The following SLC15A4 variants were observed in gnomAD, a reference collection of about 807,000 sequenced individuals.
SLC15A4 encodes the protein hPHT1.
SLC15A4 carries 26 observed loss-of-function variants against 46.1 expected under a neutral mutation model. The observed-to-expected ratio is 0.56, with a 90% CI of 0.41 to 0.78. SLC15A4 has a LOEUF of 0.78. Ranked by LOEUF, SLC15A4 falls within the 30% of genes least tolerant of loss-of-function variation. The pLI, the probability that SLC15A4 is intolerant of heterozygous loss-of-function variation, is 0.00. For missense variants in SLC15A4, 751 were observed against 755.7 expected (o/e 0.99, Z 0.07); for synonymous variants, 370 against 333.4 (o/e 1.11, Z -1.20).
intron 1 of SLC15A4, among the ~76,000 whole-genome samples, chr12:128,819,267 GGTGGCTCACACCTGTA>G (rs1955802999): frequency 6.6e-6 from 1 of 152,066 alleles, no homozygotes; most frequent in Non-Finnish European, 1.5e-5. Context: ...AGCCAGGCGT[GGTGGCTCACACCTGTA>G]GTCCCAGCTA....
chr12:128,795,908 G>T (rs1256731402), intron 7 of SLC15A4, among the ~76,000 whole-genome samples: 3 of 152,230 alleles, frequency 2.0e-5, no homozygotes, highest in Non-Finnish European at 4.4e-5. Flanking sequence ...CGAGGTCGCA[G>T]GTGCGTGTGG....
At chr12:128,815,520 T>C (rs921231915) in intron 1 of SLC15A4, 25 of 164,152 alleles carry the variant, frequency 1.5e-4, no homozygotes, top group African/African-American at 5.8e-4. Flanking sequence ...ACACCGTCTC[T>C]ACTAAAAATA....
chr12:128,799,549 CT>C (rs1955490393), intron 6 of SLC15A4, 132 bp from the exon 7 acceptor site: 1 of 894,130 alleles, frequency 1.1e-6, no homozygotes, highest in Admixed American at 2.8e-5. Context: ...GGCACAACCT[CT>C]TTTCTATTAG....
At chr12:128,796,352 C>A (rs1022791865) in intron 7 of SLC15A4, among the ~76,000 whole-genome samples, 1 of 145,572 alleles carries the variant, frequency 6.9e-6, no homozygotes, top group Admixed American at 7.3e-5. Context: ...CACTTGAACC[C>A]GGGAGGTGAA....
Position 128,814,952 on chromosome 12 carries a change from A to C in SLC15A4, c.665T>G (p.Phe222Cys), listed in dbSNP as rs779979815. 2 of 1,614,188 alleles carry C rather than the reference A, an allele frequency of 1.2e-6. No individual in the cohort carries two copies. Among genetic ancestry groups the C allele is most frequent in the Non-Finnish European group, 1.7e-6 (2 of 1,180,036 alleles). ...AGTGGGGATCGCATAACCAGTGACAAAGCTGACGTTCTGCTGAATATAGGC... is the reference window on the plus strand; with the variant it reads ...AGTGGGGATCGCATAACCAGTGACACAGCTGACGTTCTGCTGAATATAGGC... ...GIAYIQQNVS[F>C]VTGYAIPTVC... The change falls in exon 2 of 8, where the codon TTT becomes TGT. Residue 222 changes from phenylalanine (F) to cysteine (C), a missense_variant. By Grantham distance (205) the Phe-to-Cys change is radical. Transcript: ENST00000266771.
At position 128,814,234 on chromosome 12, in the gene SLC15A4, C is replaced by CGTATGATGGACCTGACCACT. The variant is rs1955709843; in HGVS notation, c.842+540_842+541insAGTGGTCAGGTCCATCATAC. The CGTATGATGGACCTGACCACT allele has an allele frequency of 6.4e-5, 11 of 171,236 alleles. No individual in the cohort carries two copies. In the South Asian group the frequency reaches 1.1e-3, roughly 17 times the overall value. 10.6% of individuals were successfully genotyped at this position (171,236 alleles called of 1,614,324 possible). On this transcript the variant is annotated intron_variant, in intron 2 of 7. Coordinates refer to ENST00000266771, the MANE Select transcript of SLC15A4 (RefSeq NM_145648.4). ...ACCGCCGTATGATGGACCTGACCGC[C>CGTATGATGGACCTGACCACT]GTATGATGGACCTGACCGCTGTATG...
chr12:128,793,766 T>C lies in SLC15A4; in HGVS notation c.*430A>G, dbSNP rs1955412118. Reference sequence around the variant, plus strand: ...AAAAAAAAATCCTCACTTTCTTAAATATAAGTAACAGTTTATTAATTTTTT... The same window carrying C: ...AAAAAAAAATCCTCACTTTCTTAAACATAAGTAACAGTTTATTAATTTTTT... On this transcript the variant is annotated 3_prime_UTR_variant, in exon 8 of 8. Coordinates refer to ENST00000266771, the MANE Select transcript of SLC15A4 (RefSeq NM_145648.4). 8.0e-6 allele frequency: 1 copy of C among 125,010 alleles called. No homozygotes were observed. The highest frequency in any genetic ancestry group is 3.1e-5 in the African/African-American group (1 of 32,028). 7.7% of individuals were successfully genotyped at this position (125,010 alleles called of 1,614,324 possible). A position where few individuals can be genotyped will look rare whatever the true frequency, so the allele number is the denominator to read the frequency against.
At chr12:128,820,984 TGA>T (rs1475724861) in intron 1 of SLC15A4, among the ~76,000 whole-genome samples, 1 of 152,184 alleles carries the variant, frequency 6.6e-6, no homozygotes, top group Non-Finnish European at 1.5e-5. Context: ...AACTCTCCTA[TGA>T]GAGAGGTCGT....
intron 2 of SLC15A4, among the ~76,000 whole-genome samples, chr12:128,812,321 A>G (rs1356897053): frequency 6.7e-6 from 1 of 149,372 alleles, no homozygotes; most frequent in South Asian, 2.1e-4. Flanking sequence ...TTTTTTTTTT[A>G]TTTTATTTTT....
chr12:128,806,113 T>C (rs1955584204), intron 5 of SLC15A4, among the ~76,000 whole-genome samples: 1 of 137,152 alleles, frequency 7.3e-6, no homozygotes, highest in African/African-American at 2.7e-5. Flanking sequence ...GAGCTTGCAG[T>C]GAGCTGAGAT....
intron 5 of SLC15A4, 87 bp downstream of exon 5, chr12:128,808,701 G>A (rs1264518320): frequency 7.3e-7 from 1 of 1,369,498 alleles, no homozygotes; most frequent in African/African-American, 1.4e-5. Flanking sequence ...TGAACAACCT[G>A]GGGCACGACT....
intron 7 of SLC15A4, among the ~76,000 whole-genome samples, chr12:128,796,228 A>G (rs535547824): frequency 6.6e-6 from 1 of 152,238 alleles, no homozygotes; most frequent in Non-Finnish European, 1.5e-5. Flanking sequence ...ATTCAGAATC[A>G]GCCTGGCCAA....
chr12:128,809,011 G>A, intron 4 of SLC15A4, 55 bp from the exon 5 acceptor site: 2 of 1,541,312 alleles, frequency 1.3e-6, no homozygotes, highest in Non-Finnish European at 1.8e-6. Context: ...GCCATCACCT[G>A]TCTAGAGAAC....
At position 128,794,098 on chromosome 12, in the gene SLC15A4, A is replaced by C; in HGVS notation, c.*98T>G. On this transcript the variant is annotated 3_prime_UTR_variant, in exon 8 of 8. Coordinates refer to ENST00000266771, the MANE Select transcript of SLC15A4 (RefSeq NM_145648.4). ...GCAACATGCAAGTTTCAGTGAAGTC[A>C]GACATTTTATGGGAATTTAAAGTCT... The C allele has an allele frequency of 8.4e-7, 1 of 1,189,312 alleles. No individual in the cohort carries two copies. The highest frequency in any genetic ancestry group is 1.7e-5 in the South Asian group (1 of 60,550). The allele number at this position is 1,189,312 out of a possible 1,614,324, so 73.7% of individuals were successfully genotyped here.
intron 6 of SLC15A4, among the ~76,000 whole-genome samples, chr12:128,799,970 T>C (rs1156930554): frequency 6.6e-6 from 1 of 152,098 alleles, no homozygotes; most frequent in Non-Finnish European, 1.5e-5. Flanking sequence ...GCCTCCCGAG[T>C]AGCTGGGATT....
chr12:128,803,824 C>A (rs1288005909), intron 5 of SLC15A4, among the ~76,000 whole-genome samples: 1 of 151,508 alleles, frequency 6.6e-6, no homozygotes, highest in African/African-American at 2.4e-5. Flanking sequence ...ACAACATGTC[C>A]GGGACGACAC....
intron 4 of SLC15A4, 105 bp from the exon 5 acceptor site, chr12:128,809,061 C>CT: frequency 9.3e-7 from 1 of 1,072,844 alleles, no homozygotes; most frequent in Non-Finnish European, 1.4e-6. Flanking sequence ...AGAACAGTTC[C>CT]TCTCCACAAG....
At chr12:128,815,183 G>A (rs973897914) in intron 1 of SLC15A4, 113 bp from the exon 2 acceptor site, 23 of 999,438 alleles carry the variant, frequency 2.3e-5, no homozygotes, top group Non-Finnish European at 2.8e-5. Flanking sequence ...TTTAAGAAGC[G>A]CAACACAATC....
At chr12:128,811,674 C>T (rs930643225) in intron 2 of SLC15A4, among the ~76,000 whole-genome samples, 1 of 152,188 alleles carries the variant, frequency 6.6e-6, no homozygotes, top group Non-Finnish European at 1.5e-5. Context: ...AAATTAAAGT[C>T]CTTTTGTACC....
Sources: allele counts gnomAD v4.1 joint callset (sites outside exome capture counted in the v4.1 genomes callset), GRCh38; gene constraint gnomAD v4.1.1; transcripts MANE v1.5; gene names NCBI Gene and HGNC (gene_info 2026-07-23, HGNC 2026-07-21).